The following PCDHGB4 variants were observed in gnomAD, a reference collection of about 807,000 sequenced individuals.
The protein encoded by PCDHGB4 is protocadherin gamma-B4.
PCDHGB4 carries 38 observed loss-of-function variants against 60.5 expected under a neutral mutation model. That is an observed-to-expected ratio of 0.63 (90% CI 0.48 to 0.82). The LOEUF is 0.82. PCDHGB4 is among the 40% of genes least tolerant of loss of function. The pLI is 0.00. For missense variants in PCDHGB4, 1,109 were observed against 1,209.6 expected (o/e 0.92, Z 1.23); for synonymous variants, 456 against 509.7 (o/e 0.89, Z 1.42).
rs2099883887 is a variant in PCDHGB4, at chr5:141,511,641, ACC to A, written c.*469_*470del. 4.4e-6 allele frequency: 1 copy of A among 224,930 alleles called. No homozygotes were observed. Among genetic ancestry groups the A allele is most frequent in the Non-Finnish European group, 9.1e-6 (1 of 110,428 alleles). 13.9% of individuals were successfully genotyped at this position (224,930 alleles called of 1,614,324 possible). A position where few individuals can be genotyped will look rare whatever the true frequency, so the allele number is the denominator to read the frequency against. ...TCTGAAAAGTTGGAAGGGCATCATG[ACC>A]TCTTGGCCTCTCCTTTGATTCTCAA... On this transcript the variant is annotated 3_prime_UTR_variant, in exon 4 of 4. Coordinates refer to ENST00000519479, the MANE Select transcript of PCDHGB4 (RefSeq NM_003736.4).
chr5:141,393,508 T>C, intron 1 of PCDHGB4: 1 of 1,614,010 alleles, frequency 6.2e-7, no homozygotes, highest in Non-Finnish European at 8.5e-7. Context: ...CACGTGACAG[T>C]GTTGGATACA....
At position 141,426,001 on chromosome 5, in the gene PCDHGB4, T is replaced by C. The variant is rs553657872; in HGVS notation, c.2397+35720T>C. Among the ~76,000 whole-genome samples, 3 of 152,318 alleles carry C rather than the reference T, an allele frequency of 2.0e-5. No individual in the cohort carries two copies. In the South Asian group the frequency reaches 6.2e-4, roughly 32 times the overall value. The stretch of plus-strand genomic sequence containing the variant: ...TGAATCCCATTGAATTAGCAAAGGC[T>C]TCCGGCTGCAGTTTTCTAAATAGAC... On this transcript the variant is annotated intron_variant, in intron 1 of 3. Transcript: ENST00000519479.
At position 141,489,503 on chromosome 5, in the gene PCDHGB4, A is replaced by T; in HGVS notation, c.2398-5304A>T. 1 of 1,614,092 alleles carries T rather than the reference A, an allele frequency of 6.2e-7. No homozygotes were observed. ...ATGAGTGGTGCCCTGGCAGTGAATC[A>T]AAAGATTGACCGAGAAAGCCTATGT... is the stretch of plus-strand genomic sequence containing the variant. On this transcript the variant is annotated intron_variant, in intron 1 of 3. Transcript: ENST00000519479. The surrounding 1 kb of genome is among the most constrained non-coding windows in gnomAD (Gnocchi z 4.5).
intron 1 of PCDHGB4, chr5:141,405,045 C>T (rs757899891): frequency 6.2e-7 from 1 of 1,613,918 alleles, no homozygotes. Context: ...GTGGCTGTGG[C>T]AGTCGTCTCC....
chr5:141,477,378 C>A lies in PCDHGB4; in HGVS notation c.2398-17429C>A. On this transcript the variant is annotated intron_variant, in intron 1 of 3. Coordinates refer to ENST00000519479, the MANE Select transcript of PCDHGB4 (RefSeq NM_003736.4). This position sits in a 1 kb window ranked among gnomAD's most constrained non-coding sequence, Gnocchi z 4.9. ...GCAGACCTGGATCGGGAGACTGTGC[C>A]AGAATACAACCTCAGCATCACCGCC... 2 of 1,614,136 alleles carry A rather than the reference C, an allele frequency of 1.2e-6. No homozygotes were observed. Among genetic ancestry groups the A allele is most frequent in the Non-Finnish European group, 1.7e-6 (2 of 1,180,034 alleles).
intron 1 of PCDHGB4, chr5:141,484,980 A>C (rs1387732109): frequency 1.7e-6 from 1 of 593,836 alleles, no homozygotes; most frequent in Admixed American, 3.1e-5. Flanking sequence ...CTGTCTGCCA[A>C]TCGGGTGGTG....
chr5:141,489,563 T>C lies in PCDHGB4; in HGVS notation c.2398-5244T>C, dbSNP rs2099689031. ...ACCAGCTGCCTGCTGCCAGTGCAGG[T>C]GGTGACTGAACACCCCCTGGAGCTA... On this transcript the variant is annotated intron_variant, in intron 1 of 3. Coordinates refer to ENST00000519479, the MANE Select transcript of PCDHGB4 (RefSeq NM_003736.4). The surrounding 1 kb of genome is among the most constrained non-coding windows in gnomAD (Gnocchi z 4.5). 13 of 1,614,006 alleles carry C rather than the reference T, an allele frequency of 8.1e-6. No homozygotes were observed. The highest frequency in any genetic ancestry group is 1.1e-5 in the Non-Finnish European group (13 of 1,179,976).
rs151293422 is a variant in PCDHGB4, at chr5:141,487,556, A to G, written c.2398-7251A>G. ...GATGGTGAAGTCACCCAGTGCACCT[A>G]TGGCAGGGGAGCCTGTTCGCCCAAG... On this transcript the variant is annotated intron_variant, in intron 1 of 3. Coordinates refer to ENST00000519479, the MANE Select transcript of PCDHGB4 (RefSeq NM_003736.4). This position sits in a 1 kb window ranked among gnomAD's most constrained non-coding sequence, Gnocchi z 5.0. 2,837 of 1,614,100 alleles carry G rather than the reference A, an allele frequency of 1.8e-3. 31 individuals are homozygous for G. The highest frequency in any genetic ancestry group is 1.2e-3 in the South Asian group (105 of 91,084).
intron 1 of PCDHGB4, chr5:141,392,938 G>T: frequency 6.2e-7 from 1 of 1,613,954 alleles, no homozygotes; most frequent in Non-Finnish European, 8.5e-7. Flanking sequence ...ACGGACAAAG[G>T]CTCCTTCGTG....
chr5:141,390,568 C>G (rs2092182781), intron 1 of PCDHGB4: 3 of 414,984 alleles, frequency 7.2e-6, no homozygotes, highest in East Asian at 4.5e-5. Flanking sequence ...GTTGTTGGCT[C>G]TCTCCTAAAA....
In PCDHGB4 at chr5:141,476,182, G is replaced by A. The variant is rs369561139; in HGVS notation, c.2398-18625G>A. On this transcript the variant is annotated intron_variant, in intron 1 of 3. Coordinates refer to ENST00000519479, the MANE Select transcript of PCDHGB4 (RefSeq NM_003736.4). This position sits in a 1 kb window ranked among gnomAD's most constrained non-coding sequence, Gnocchi z 7.6. ...GGAGGGTAGTGGGAGTTTTGCTTCT[G>A]CTTGGTGCCTTGAACAAGGCTTCCA... 5 of 1,613,554 alleles carry A rather than the reference G, an allele frequency of 3.1e-6. No homozygotes were observed. Among genetic ancestry groups the A allele is most frequent in the Admixed American group, 1.7e-5 (1 of 59,996 alleles).
intron 1 of PCDHGB4, among the ~76,000 whole-genome samples, chr5:141,424,973 G>A (rs2096851520): frequency 6.6e-6 from 1 of 152,108 alleles, no homozygotes; most frequent in African/African-American, 2.4e-5. Flanking sequence ...AAATTACTTG[G>A]ATATTTATGT....
intron 2 of PCDHGB4, among the ~76,000 whole-genome samples, chr5:141,497,016 C>G (rs1384415729): frequency 6.6e-6 from 1 of 152,056 alleles, no homozygotes; most frequent in East Asian, 1.9e-4. Context: ...TGGTGAAACC[C>G]CATCTCGATT....
chr5:141,427,683 G>T, intron 1 of PCDHGB4: 1 of 836,052 alleles, frequency 1.2e-6, no homozygotes, highest in African/African-American at 1.7e-5. Context: ...CCTTCCCGGA[G>T]CCTCCATCCC....
Position 141,485,208 on chromosome 5 carries a change from G to T in PCDHGB4, c.2398-9599G>T, listed in dbSNP as rs2099609377. On this transcript the variant is annotated intron_variant, in intron 1 of 3. Coordinates refer to ENST00000519479, the MANE Select transcript of PCDHGB4 (RefSeq NM_003736.4). This position sits in a 1 kb window ranked among gnomAD's most constrained non-coding sequence, Gnocchi z 5.7. ...AAGGTGAGAAGCTGGACAGAAATCT[G>T]GCGGTGGGCTACCCTTTTGTTCCTC... The T allele has an allele frequency of 6.2e-7, 1 of 1,613,998 alleles. No homozygotes were observed. The highest frequency in any genetic ancestry group is 1.3e-5 in the African/African-American group (1 of 74,930).
chr5:141,410,645 A>G (rs755117096), intron 1 of PCDHGB4: 11 of 1,597,402 alleles, frequency 6.9e-6, no homozygotes, highest in Non-Finnish European at 9.3e-6. Flanking sequence ...TTTGTGTGTG[A>G]TTTATCTAAT....
chr5:141,430,639 A>T, intron 1 of PCDHGB4: 1 of 900,712 alleles, frequency 1.1e-6, no homozygotes. Flanking sequence ...CATCCCTGGG[A>T]GTATGTGGAA....
At chr5:141,409,972 G>A in intron 1 of PCDHGB4, 1 of 1,613,374 alleles carries the variant, frequency 6.2e-7, no homozygotes, top group South Asian at 1.1e-5. Context: ...TAGTGACTAA[G>A]GTGGTAGCGG....
At position 141,485,326 on chromosome 5, in the gene PCDHGB4, T is replaced by C. The variant is rs2154580391; in HGVS notation, c.2398-9481T>C. On this transcript the variant is annotated intron_variant, in intron 1 of 3. Coordinates refer to ENST00000519479, the MANE Select transcript of PCDHGB4 (RefSeq NM_003736.4). This position sits in a 1 kb window ranked among gnomAD's most constrained non-coding sequence, Gnocchi z 5.7. ...CTTTTGTAGGGAATGTCGCTCAAGATTTCCTGCTGGATACGGACAGTCTGT... is the reference window on the plus strand; with the variant it reads ...CTTTTGTAGGGAATGTCGCTCAAGACTTCCTGCTGGATACGGACAGTCTGT... 1 of 1,614,106 alleles carries C rather than the reference T, an allele frequency of 6.2e-7. No homozygotes were observed. The highest frequency in any genetic ancestry group is 1.7e-5 in the Admixed American group (1 of 60,028).
Sources: allele counts gnomAD v4.1 joint callset (sites outside exome capture counted in the v4.1 genomes callset), GRCh38; gene constraint gnomAD v4.1.1; non-coding constraint Gnocchi (gnomAD v3.1); transcripts MANE v1.5; gene names NCBI Gene and HGNC (gene_info 2026-07-23, HGNC 2026-07-21).